Variants in LRRC37A2 observed in about 807,000 individuals in gnomAD.
LRRC37A2 encodes leucine-rich repeat-containing protein 37A2.
In LRRC37A2, 9 loss-of-function variants were observed where a neutral mutation model predicts 68.8. The observed-to-expected ratio is 0.13, with a 90% confidence interval of 0.08 to 0.23. The LOEUF is 0.23. Ranked by LOEUF, LRRC37A2 falls within the 10% of genes least tolerant of loss-of-function variation. The pLI, the probability that LRRC37A2 is intolerant of heterozygous loss-of-function variation, is 1.00. For missense variants in LRRC37A2, 168 were observed against 950.4 expected (o/e 0.18, Z 10.82); for synonymous variants, 63 against 367.6 (o/e 0.17, Z 9.48).
chr17:46,491,178 T>C, the LRRC37A2 span, among the ~76,000 whole-genome samples: 3 of 151,222 alleles, frequency 2.0e-5, no homozygotes, highest in African/African-American at 4.9e-5. Flanking sequence ...ATTATAGGCG[T>C]GAGCCACTGC....
chr17:46,550,640 G>C, intron 11 of LRRC37A2, 121 bp downstream of exon 10: 1 of 655,552 alleles, frequency 1.5e-6, no homozygotes. Context: ...TACTTCTTCA[G>C]TCATTTAAGG....
chr17:46,944,617 T>C, the LRRC37A2 span, among the ~76,000 whole-genome samples: 1 of 151,706 alleles, frequency 6.6e-6, no homozygotes, highest in Non-Finnish European at 1.5e-5. Context: ...TTTCTTTTTT[T>C]TTTTTTTCCT....
At chr17:46,534,240 C>G (rs1226955757) in intron 6 of LRRC37A2, among the ~76,000 whole-genome samples, 1 of 145,808 alleles carries the variant, frequency 6.9e-6, no homozygotes, top group African/African-American at 2.7e-5. Flanking sequence ...GGGTGTTTCT[C>G]GCAGAGGGGG....
chr17:47,033,761 T>C, the LRRC37A2 span, among the ~76,000 whole-genome samples: 7 of 152,390 alleles, frequency 4.6e-5, no homozygotes, highest in African/African-American at 1.7e-4. Context: ...CCTTATTTTG[T>C]GAGCTACCTT....
chr17:46,499,342 G>GGGC, the LRRC37A2 span, among the ~76,000 whole-genome samples: 1 of 139,502 alleles, frequency 7.2e-6, no homozygotes, highest in Non-Finnish European at 1.5e-5. Context: ...AAAAGGTGGG[G>GGGC]GGACAATGTT....
At chr17:46,833,481 T>C in the LRRC37A2 span, 2 of 479,438 alleles carry the variant, frequency 4.2e-6, no homozygotes, top group South Asian at 3.0e-5. Flanking sequence ...CCACCCCGAC[T>C]CCCCATCTGG....
the LRRC37A2 span, among the ~76,000 whole-genome samples, chr17:46,868,301 C>T: frequency 1.3e-5 from 2 of 152,266 alleles, no homozygotes; most frequent in Non-Finnish European, 1.5e-5. Context: ...CATTAAGACC[C>T]CCATATTTGG....
the LRRC37A2 span, among the ~76,000 whole-genome samples, chr17:46,725,619 A>G: frequency 6.6e-6 from 1 of 152,116 alleles, no homozygotes; most frequent in African/African-American, 2.4e-5. Context: ...GTTTGACTTT[A>G]TTTCTGTACC....
At chr17:46,943,336 C>T in the LRRC37A2 span, among the ~76,000 whole-genome samples, 14 of 152,184 alleles carry the variant, frequency 9.2e-5, no homozygotes, top group South Asian at 2.1e-4. Flanking sequence ...GCCAGCTCTT[C>T]GCTGCCCCTG....
chr17:46,939,839 A>G, the LRRC37A2 span: 4 of 989,640 alleles, frequency 4.0e-6, no homozygotes, highest in Middle Eastern at 5.2e-4. Flanking sequence ...GGAATTTAGT[A>G]TAAAGGCCAA....
At chr17:46,923,728 T>G in the LRRC37A2 span, 1 of 454,430 alleles carries the variant, frequency 2.2e-6, no homozygotes, top group Non-Finnish European at 3.6e-6. Flanking sequence ...GCATTCACTA[T>G]TATTACTTGT....
chr17:47,027,649 G>C, the LRRC37A2 span: 1 of 1,020,646 alleles, frequency 9.8e-7, no homozygotes, highest in South Asian at 1.3e-5. Context: ...AATATAACTT[G>C]ATTACATTTG....
chr17:47,009,340 A>G, the LRRC37A2 span, among the ~76,000 whole-genome samples: 1 of 152,182 alleles, frequency 6.6e-6, no homozygotes, highest in Middle Eastern at 3.2e-3. Context: ...TGTGGCATCC[A>G]TCTGTCCTCT....
the LRRC37A2 span, among the ~76,000 whole-genome samples, chr17:47,009,449 T>C: frequency 6.6e-6 from 1 of 152,208 alleles, no homozygotes; most frequent in South Asian, 2.1e-4. Flanking sequence ...ATGTTTGTCA[T>C]AGCTGGGGAG....
At chr17:46,755,588 A>G in the LRRC37A2 span, 1 of 693,554 alleles carries the variant, frequency 1.4e-6, no homozygotes, top group South Asian at 1.9e-5. Context: ...AATGCAGGAA[A>G]AACTTAATGG....
the LRRC37A2 span, among the ~76,000 whole-genome samples, chr17:46,992,713 C>T: frequency 6.6e-6 from 1 of 151,908 alleles, no homozygotes; most frequent in Non-Finnish European, 1.5e-5. Flanking sequence ...ATTAGCCAGG[C>T]ATTGTGGTGG....
chr17:46,759,796 T>C, the LRRC37A2 span, among the ~76,000 whole-genome samples: 1 of 152,240 alleles, frequency 6.6e-6, no homozygotes, highest in East Asian at 1.9e-4. Flanking sequence ...CTGTCTCACA[T>C]GCTTTCCTTC....
the LRRC37A2 span, among the ~76,000 whole-genome samples, chr17:46,496,948 T>C: frequency 2.8e-5 from 4 of 145,248 alleles, no homozygotes; most frequent in Non-Finnish European, 4.5e-5. Flanking sequence ...AATATTAATA[T>C]AAAATTAGTG....
chr17:46,990,632 TTC>T, the LRRC37A2 span, among the ~76,000 whole-genome samples: 1 of 152,038 alleles, frequency 6.6e-6, no homozygotes, highest in Admixed American at 6.6e-5. Context: ...ACACGTTTAT[TTC>T]TCTCTTTCTG....
Sources: gnomAD v4.1 joint callset for allele counts (sites outside exome capture counted in the v4.1 genomes callset) on GRCh38, gnomAD v4.1.1 for gene constraint, MANE v1.5 for transcripts, NCBI Gene and HGNC (gene_info 2026-07-23, HGNC 2026-07-21) for gene names.